CFAP44: variants seen among roughly 807,000 people sequenced by gnomAD.
The protein encoded by CFAP44 is cilia and flagella associated protein 44.
Under a neutral mutation model 216.2 loss-of-function variants are expected in CFAP44, and 134 were observed. The observed-to-expected ratio is 0.62, with a 90% CI of 0.54 to 0.72. The LOEUF is 0.72. Ranked by LOEUF, CFAP44 falls within the 30% of genes least tolerant of loss-of-function variation. CFAP44 has a pLI of 0.00. For synonymous variants in CFAP44, 700 were observed against 727.6 expected (o/e 0.96, Z 0.61); for missense variants, 2,035 against 2,182.1 (o/e 0.93, Z 1.34).
intron 9 of CFAP44, among the ~76,000 whole-genome samples, chr3:113,403,332 C>T (rs537154434): frequency 1.3e-5 from 2 of 152,290 alleles, no homozygotes; most frequent in East Asian, 3.9e-4. Context: ...AGCAATGTTC[C>T]AGCTTAGCCC....
intron 22 of CFAP44, among the ~76,000 whole-genome samples, chr3:113,357,527 T>C (rs1053744397): frequency 6.6e-6 from 1 of 152,174 alleles, no homozygotes; most frequent in African/African-American, 2.4e-5. Flanking sequence ...CACTAGAAGC[T>C]TGGAGACAGG....
At chr3:113,304,994 C>G (rs1949971431) in intron 31 of CFAP44, 42 bp downstream of exon 31, 13 of 1,510,766 alleles carry the variant, frequency 8.6e-6, no homozygotes, top group Non-Finnish European at 1.1e-5. Flanking sequence ...GGTGTGATGA[C>G]TCTTCTCGGA....
At chr3:113,306,054 T>C in intron 30 of CFAP44, 147 bp downstream of exon 30, 1 of 980,528 alleles carries the variant, frequency 1.0e-6, no homozygotes, top group Admixed American at 3.6e-5. Context: ...CCCACCACAA[T>C]TTAGGGAGAA....
At chr3:113,412,356 G>T (rs1197280807) in intron 6 of CFAP44, among the ~76,000 whole-genome samples, 4 of 151,868 alleles carry the variant, frequency 2.6e-5, no homozygotes. Flanking sequence ...CTCTCTTGGG[G>T]TCTGGATCGG....
At chr3:113,396,142 T>C (rs980957906) in intron 14 of CFAP44, among the ~76,000 whole-genome samples, 3 of 152,180 alleles carry the variant, frequency 2.0e-5, no homozygotes, top group African/African-American at 4.8e-5. Context: ...TATTAGTGCA[T>C]AAAGAATTTA....
chr3:113,441,483 T>G lies in CFAP44; in HGVS notation c.-36A>C. 1 of 985,068 alleles carries G rather than the reference T, an allele frequency of 1.0e-6. No individual in the cohort carries two copies. The highest frequency in any genetic ancestry group is 1.2e-6 in the Non-Finnish European group (1 of 829,956). 61.0% of individuals were successfully genotyped at this position (985,068 alleles called of 1,614,324 possible). Reference sequence around the variant, plus strand: ...GTACTGACCGCCGCGGCTCCTCTCTTCACAGCGTCTGCCGGAGGCCTCCGT... The same window carrying G: ...GTACTGACCGCCGCGGCTCCTCTCTGCACAGCGTCTGCCGGAGGCCTCCGT... On this transcript the variant is annotated 5_prime_UTR_variant, in exon 1 of 35. Coordinates refer to ENST00000393845, the MANE Select transcript of CFAP44 (RefSeq NM_001164496.2).
intron 29 of CFAP44, among the ~76,000 whole-genome samples, chr3:113,307,924 G>T (rs1258712038): frequency 6.6e-6 from 1 of 152,174 alleles, no homozygotes; most frequent in African/African-American, 2.4e-5. Flanking sequence ...AGGTTGCAGT[G>T]AGCCGAGATC....
chr3:113,409,401 G>A (rs1934390170), intron 6 of CFAP44, 79 bp from the exon 7 acceptor site: 3 of 1,313,598 alleles, frequency 2.3e-6, no homozygotes, highest in Non-Finnish European at 3.2e-6. Flanking sequence ...AAAAAGAGAG[G>A]GAGTCAGCCC....
chr3:113,301,453 T>A (rs1242017478), intron 32 of CFAP44, among the ~76,000 whole-genome samples: 1 of 152,076 alleles, frequency 6.6e-6, no homozygotes, highest in Non-Finnish European at 1.5e-5. Flanking sequence ...GTTGGGTGGG[T>A]GGGTTCATTC....
At chr3:113,373,630 T>C in intron 17 of CFAP44, 74 bp from the exon 18 acceptor site, 2 of 1,273,170 alleles carry the variant, frequency 1.6e-6, no homozygotes, top group Non-Finnish European at 2.0e-6. Flanking sequence ...ATTTTTTGAT[T>C]ATTTCAAATT....
At chr3:113,373,315 G>T in intron 18 of CFAP44, 96 bp downstream of exon 18, 5 of 1,230,584 alleles carry the variant, frequency 4.1e-6, no homozygotes, top group South Asian at 3.1e-5. Context: ...CCCTTCATTT[G>T]GATGGATCTT....
rs375979167 is a variant in CFAP44, at chr3:113,437,369, T to C, written c.-5-3700A>G. ...AAGAGCCCATAATTTATTCACAAGA[T>C]AATCATAAGGTGGGTAAAAAACAAT... is the stretch of plus-strand genomic sequence containing the variant. On this transcript the variant is annotated intron_variant, in intron 1 of 34. Transcript: ENST00000393845. Among the ~76,000 whole-genome samples the C allele has an allele frequency of 2.8e-4, 42 of 152,320 alleles. 1 individual carries two copies. Among genetic ancestry groups the C allele is most frequent in the African/African-American group, 9.1e-4 (38 of 41,586 alleles).
At position 113,294,803 on chromosome 3, in the gene CFAP44, G is replaced by C. The variant is rs1303765259; in HGVS notation, c.5257C>G (p.Arg1753Gly). Residue 1753 changes from arginine (R) to glycine (G), a missense_variant, in exon 34 of 35, where the codon CGA (arginine) becomes GGA (glycine). By Grantham distance (125) the Arg-to-Gly change is moderately radical. Transcript: ENST00000393845. ...TTTGTCTTCATCATCAGTTCCCATC[G>C]CATTTGAGCAATCTTTTCCTACCAG... The part of the protein sequence containing the change: ...KMWEEKIAQM[R>G]WELMMKTKEH... 3.3e-6 allele frequency: 5 copies of C among 1,531,130 alleles called. No homozygotes were observed. The highest frequency in any genetic ancestry group is 4.4e-6 in the Non-Finnish European group (5 of 1,144,880). The allele number at this position is 1,531,130 out of a possible 1,614,324, so 94.8% of individuals were successfully genotyped here. A position where few individuals can be genotyped will look rare whatever the true frequency, so the allele number is the denominator to read the frequency against.
intron 6 of CFAP44, among the ~76,000 whole-genome samples, chr3:113,410,781 C>T (rs921812135): frequency 6.6e-5 from 10 of 152,208 alleles, no homozygotes; most frequent in Non-Finnish European, 1.2e-4. Flanking sequence ...AAAAGCATTC[C>T]TATTTCTCCA....
chr3:113,394,142 A>G (rs1218393247), intron 15 of CFAP44, among the ~76,000 whole-genome samples: 2 of 152,226 alleles, frequency 1.3e-5, no homozygotes, highest in Non-Finnish European at 2.9e-5. Context: ...ATGTTATGCA[A>G]CTATACACAA....
intron 17 of CFAP44, among the ~76,000 whole-genome samples, chr3:113,374,483 G>C (rs1933273882): frequency 6.6e-6 from 1 of 151,996 alleles, no homozygotes; most frequent in Non-Finnish European, 1.5e-5. Flanking sequence ...TAAGAAGCTG[G>C]ACAAAGCTAT....
intron 28 of CFAP44, among the ~76,000 whole-genome samples, chr3:113,309,380 C>A (rs761313427): frequency 6.6e-6 from 1 of 152,176 alleles, no homozygotes; most frequent in Non-Finnish European, 1.5e-5. Context: ...CTATAAATCT[C>A]CACTTGTCCT....
chr3:113,302,474 A>AAAAAAAAAAAAAAAAAAAAAAAAAAT (rs1949946090), intron 32 of CFAP44, among the ~76,000 whole-genome samples: 1 of 146,552 alleles, frequency 6.8e-6, no homozygotes, highest in East Asian at 2.0e-4. Flanking sequence ...AAAAAAAAAA[A>AAAAAAAAAAAAAAAAAAAAAAAAAAT]AAAAAAGATA....
intron 2 of CFAP44, among the ~76,000 whole-genome samples, chr3:113,433,131 GTA>G (rs1280911298): frequency 6.6e-6 from 1 of 152,014 alleles, no homozygotes; most frequent in Non-Finnish European, 1.5e-5. Context: ...GGAACAGGGA[GTA>G]TAAGATCTAT....
Sources: allele counts gnomAD v4.1 joint callset (sites outside exome capture counted in the v4.1 genomes callset), GRCh38; gene constraint gnomAD v4.1.1; transcripts MANE v1.5; gene names NCBI Gene and HGNC (gene_info 2026-07-23, HGNC 2026-07-21).